The following SEMA5A variants were observed in gnomAD, a reference collection of about 807,000 sequenced individuals.
SEMA5A encodes the protein semaphorin-5A.
SEMA5A carries 55 observed loss-of-function variants against 135.5 expected under a neutral mutation model. The observed-to-expected ratio is 0.41, with a 90% confidence interval of 0.33 to 0.51. The LOEUF (loss-of-function observed/expected upper bound fraction) is 0.51. Among genes scored for constraint, SEMA5A ranks in the 20% least tolerant of loss-of-function variants. The pLI is 0.37. For synonymous variants in SEMA5A, 580 were observed against 546.5 expected (o/e 1.06, Z -0.85); for missense variants, 1,290 against 1,419.9 (o/e 0.91, Z 1.47).
chr5:9,373,652 G>A (rs1755236123), intron 3 of SEMA5A, among the ~76,000 whole-genome samples: 1 of 152,178 alleles, frequency 6.6e-6, no homozygotes, highest in South Asian at 2.1e-4. Flanking sequence ...CCTGGGAATG[G>A]AAATCAATAG....
intron 1 of SEMA5A, among the ~76,000 whole-genome samples, chr5:9,533,048 A>G (rs994595348): frequency 9.8e-5 from 15 of 152,334 alleles, no homozygotes; most frequent in African/African-American, 3.6e-4. Context: ...TGTTTTCTCC[A>G]AAGAATGAAG....
chr5:9,418,219 A>C (rs958785834), intron 2 of SEMA5A, among the ~76,000 whole-genome samples: 10 of 151,538 alleles, frequency 6.6e-5, no homozygotes, highest in Admixed American at 6.6e-4. Context: ...CTCGTGATCC[A>C]CCCGCCTTGG....
chr5:9,370,055 A>G (rs763891860), intron 3 of SEMA5A, among the ~76,000 whole-genome samples: 1 of 152,226 alleles, frequency 6.6e-6, no homozygotes, highest in African/African-American at 2.4e-5. Flanking sequence ...AGTAACTAAA[A>G]CAATTTCTGG....
chr5:9,111,112 A>T (rs192576151), intron 15 of SEMA5A, among the ~76,000 whole-genome samples: 134 of 152,300 alleles, frequency 8.8e-4, no homozygotes, highest in Non-Finnish European at 1.2e-3. Context: ...AGTCAAGAAA[A>T]CTCAGAATAT....
At chr5:9,210,293 A>G (rs1154916) in intron 8 of SEMA5A, among the ~76,000 whole-genome samples, 90,388 of 152,054 alleles carry the variant, frequency 0.59, 26,991 homozygotes, top group South Asian at 0.63. Context: ...CCAGCTTTTA[A>G]GCCCTCTGTG....
At chr5:9,168,683 A>G (rs570091794) in intron 11 of SEMA5A, among the ~76,000 whole-genome samples, 1 of 152,316 alleles carries the variant, frequency 6.6e-6, no homozygotes, top group South Asian at 2.1e-4. Flanking sequence ...TTCCAATTTA[A>G]TGCATGATAA....
At chr5:9,471,177 C>T (rs1759463699) in intron 1 of SEMA5A, among the ~76,000 whole-genome samples, 1 of 152,098 alleles carries the variant, frequency 6.6e-6, no homozygotes, top group Non-Finnish European at 1.5e-5. Context: ...CCCTTCACAT[C>T]CGTATATCAC....
intron 5 of SEMA5A, among the ~76,000 whole-genome samples, chr5:9,256,618 AT>A (rs1463419253): frequency 6.6e-6 from 1 of 152,242 alleles, no homozygotes; most frequent in Non-Finnish European, 1.5e-5. Context: ...TTTCCTAACT[AT>A]TAATTGATTA....
intron 5 of SEMA5A, among the ~76,000 whole-genome samples, chr5:9,278,440 C>T (rs560135946): frequency 1.6e-4 from 25 of 152,288 alleles, no homozygotes; most frequent in African/African-American, 5.5e-4. Context: ...TGCAGTATGG[C>T]CATGTCGTAG....
intron 4 of SEMA5A, among the ~76,000 whole-genome samples, chr5:9,330,504 A>G (rs1207406550): frequency 6.6e-6 from 1 of 152,012 alleles, no homozygotes; most frequent in Non-Finnish European, 1.5e-5. Context: ...TTTCCCAGGC[A>G]TGTCAGTTGG....
intron 21 of SEMA5A, among the ~76,000 whole-genome samples, chr5:9,048,277 G>T (rs1736381443): frequency 6.6e-6 from 1 of 152,158 alleles, no homozygotes; most frequent in African/African-American, 2.4e-5. Context: ...ACTCACACTG[G>T]ATCCCACTGG....
intron 5 of SEMA5A, among the ~76,000 whole-genome samples, chr5:9,271,688 T>C (rs536448109): frequency 7.9e-5 from 12 of 152,224 alleles, no homozygotes; most frequent in South Asian, 6.2e-4. Flanking sequence ...GTGCATCTCA[T>C]TGGGACTTGT....
At chr5:9,233,106 A>G (rs1434990307) in intron 6 of SEMA5A, among the ~76,000 whole-genome samples, 1 of 152,252 alleles carries the variant, frequency 6.6e-6, no homozygotes, top group Non-Finnish European at 1.5e-5. Flanking sequence ...AAATAATTCT[A>G]GGAACTTGGT....
chr5:9,470,464 A>G (rs1036534183), intron 1 of SEMA5A, among the ~76,000 whole-genome samples: 6 of 152,216 alleles, frequency 3.9e-5, no homozygotes, highest in African/African-American at 1.4e-4. Context: ...GAAGTGACTG[A>G]GACAACATGA....
At chr5:9,143,537 A>G (rs900698508) in intron 12 of SEMA5A, among the ~76,000 whole-genome samples, 2 of 152,256 alleles carry the variant, frequency 1.3e-5, no homozygotes, top group Non-Finnish European at 2.9e-5. Context: ...GTTAAAACCC[A>G]TAGGCAAATA....
chr5:9,202,977 CAAA>C (rs1384551220), intron 8 of SEMA5A, among the ~76,000 whole-genome samples: 2 of 152,104 alleles, frequency 1.3e-5, no homozygotes, highest in African/African-American at 4.8e-5. Flanking sequence ...AATGGGGAAA[CAAA>C]GAAATGGCAA....
chr5:9,278,170 T>C (rs1215944314), intron 5 of SEMA5A, among the ~76,000 whole-genome samples: 1 of 151,642 alleles, frequency 6.6e-6, no homozygotes, highest in Non-Finnish European at 1.5e-5. Context: ...ATGAGGAACA[T>C]ACTGGGAAGT....
intron 4 of SEMA5A, among the ~76,000 whole-genome samples, chr5:9,324,815 G>A (rs1362116058): frequency 6.6e-6 from 1 of 152,184 alleles, no homozygotes; most frequent in Non-Finnish European, 1.5e-5. Flanking sequence ...AAAACAATAT[G>A]CGTGAGGTTC....
chr5:9,429,271 C>T (rs533343059), intron 2 of SEMA5A, among the ~76,000 whole-genome samples: 1 of 152,148 alleles, frequency 6.6e-6, no homozygotes, highest in Non-Finnish European at 1.5e-5. Flanking sequence ...CATAGCCTTC[C>T]AGCTCTGTGT....
Sources: allele counts gnomAD v4.1 joint callset (sites outside exome capture counted in the v4.1 genomes callset), GRCh38; gene constraint gnomAD v4.1.1; transcripts MANE v1.5; gene names NCBI Gene and HGNC (gene_info 2026-07-23, HGNC 2026-07-21).